Variants in STXBP5L observed in about 807,000 individuals in gnomAD.
The protein encoded by STXBP5L is syntaxin-binding protein 5-like.
In STXBP5L, 65 loss-of-function variants were observed where a neutral mutation model predicts 144.5. That is an observed-to-expected ratio of 0.45 (90% confidence interval 0.37 to 0.55). The LOEUF is 0.55. Ranked by LOEUF, STXBP5L falls within the 20% of genes least tolerant of loss-of-function variation. The pLI, the probability that STXBP5L is intolerant of heterozygous loss-of-function variation, is 0.00. For synonymous variants in STXBP5L, 505 were observed against 469.6 expected (o/e 1.08, Z -0.97); for missense variants, 1,298 against 1,405.5 (o/e 0.92, Z 1.22).
At chr3:121,022,482 C>A (rs1037060053) in intron 3 of STXBP5L, among the ~76,000 whole-genome samples, 3 of 152,054 alleles carry the variant, frequency 2.0e-5, no homozygotes, top group Non-Finnish European at 4.4e-5. Flanking sequence ...ACTAATATCC[C>A]TGATTAACAT....
Position 121,205,917 on chromosome 3 carries a change from C to T in STXBP5L, c.878-6C>T, listed in dbSNP as rs74730846. 0.12 allele frequency: 161,576 copies of T among 1,388,476 alleles called. 6,090 individuals are homozygous for T. The highest frequency in any genetic ancestry group is 0.12 in the Middle Eastern group (596 of 4,784). 86.0% of individuals were successfully genotyped at this position (1,388,476 alleles called of 1,614,324 possible). ...TTAGATTCAATTAAATATTTTTTTT[C>T]TTTAGGAAAAAGTCAAAGAGAAGGA... On this transcript the variant is annotated splice_polypyrimidine_tract_variant and splice_region_variant and intron_variant, in intron 9 of 26. Coordinates refer to ENST00000471454, the MANE Select transcript of STXBP5L (RefSeq NM_001308330.2).
chr3:121,247,501 C>T (rs2049893503), intron 14 of STXBP5L, among the ~76,000 whole-genome samples: 1 of 152,072 alleles, frequency 6.6e-6, no homozygotes, highest in Non-Finnish European at 1.5e-5. Flanking sequence ...ACTGCAGTGT[C>T]TATTGTTTCT....
At chr3:121,012,991 A>G (rs1300511755) in intron 3 of STXBP5L, among the ~76,000 whole-genome samples, 3 of 150,210 alleles carry the variant, frequency 2.0e-5, no homozygotes, top group South Asian at 4.2e-4. Flanking sequence ...AATGGCCTCC[A>G]GCTGCATCCA....
At chr3:121,005,209 A>G (rs561514526) in intron 3 of STXBP5L, among the ~76,000 whole-genome samples, 5 of 152,264 alleles carry the variant, frequency 3.3e-5, no homozygotes, top group South Asian at 4.1e-4. Context: ...TAGGCTATTA[A>G]TTATTGCCTC....
intron 3 of STXBP5L, among the ~76,000 whole-genome samples, chr3:120,959,087 C>G (rs1346051323): frequency 6.6e-6 from 1 of 152,168 alleles, no homozygotes; most frequent in Non-Finnish European, 1.5e-5. Flanking sequence ...GTGCAAAAAT[C>G]ACAAGCATTC....
chr3:120,987,105 A>G (rs1455355924), intron 3 of STXBP5L, among the ~76,000 whole-genome samples: 1 of 152,012 alleles, frequency 6.6e-6, no homozygotes, highest in Non-Finnish European at 1.5e-5. Flanking sequence ...TCCAGGTAAG[A>G]TGGATTCATA....
chr3:121,054,891 TA>T (rs68094067), intron 5 of STXBP5L, among the ~76,000 whole-genome samples: 15,061 of 152,104 alleles, frequency 0.099, 1,173 homozygotes, highest in Admixed American at 0.2. Flanking sequence ...TGTATACTTT[TA>T]TGTGGATGGA....
At chr3:121,380,692 A>G (rs1173638680) in intron 21 of STXBP5L, among the ~76,000 whole-genome samples, 1 of 152,124 alleles carries the variant, frequency 6.6e-6, no homozygotes, top group Non-Finnish European at 1.5e-5. Context: ...AGGCAAAGTT[A>G]GGACTGCATT....
chr3:121,089,913 T>A (rs1186138587), intron 5 of STXBP5L, among the ~76,000 whole-genome samples: 1 of 152,110 alleles, frequency 6.6e-6, no homozygotes, highest in Non-Finnish European at 1.5e-5. Context: ...GTAGTAAAAT[T>A]TGTAATTGGT....
chr3:120,967,526 G>T (rs993328758), intron 3 of STXBP5L, among the ~76,000 whole-genome samples: 1 of 151,976 alleles, frequency 6.6e-6, no homozygotes, highest in Non-Finnish European at 1.5e-5. Context: ...CTAGCTAAAG[G>T]TTTTCAATTT....
intron 20 of STXBP5L, among the ~76,000 whole-genome samples, chr3:121,323,184 GC>G (rs1275095329): frequency 2.0e-5 from 3 of 152,118 alleles, no homozygotes; most frequent in African/African-American, 7.2e-5. Flanking sequence ...CTGTGCAGAA[GC>G]TTTTTAATTA....
intron 20 of STXBP5L, among the ~76,000 whole-genome samples, chr3:121,359,045 G>A (rs1222429911): frequency 6.6e-6 from 1 of 152,032 alleles, no homozygotes; most frequent in Non-Finnish European, 1.5e-5. Flanking sequence ...CAAACTGTTT[G>A]CAGTTTTGCT....
rs148972238 is a variant in STXBP5L, at chr3:121,195,797, A to G, written c.878-10126A>G. ...TCCAATCCCTAATGATGCCATTAGG[A>G]TGGGAGAATGGTGGAACCTGCAGGG... On this transcript the variant is annotated intron_variant, in intron 9 of 26. Coordinates refer to ENST00000471454, the MANE Select transcript of STXBP5L (RefSeq NM_001308330.2). Among the ~76,000 whole-genome samples the G allele has an allele frequency of 5.5e-3, 832 of 152,230 alleles. 3 individuals carry two copies. Among genetic ancestry groups the G allele is most frequent in the South Asian group, 0.023 (110 of 4,826 alleles).
At chr3:121,016,923 C>A (rs772751154) in intron 3 of STXBP5L, among the ~76,000 whole-genome samples, 1 of 152,314 alleles carries the variant, frequency 6.6e-6, no homozygotes, top group South Asian at 2.1e-4. Context: ...TGGAATATTT[C>A]CAGTTCATCC....
intron 19 of STXBP5L, among the ~76,000 whole-genome samples, chr3:121,285,216 C>T (rs1272872893): frequency 1.3e-5 from 2 of 151,904 alleles, no homozygotes; most frequent in African/African-American, 2.4e-5. Flanking sequence ...GTGATTATAA[C>T]CCTTTGAGGC....
At chr3:120,917,278 AG>A (rs1291116463) in intron 2 of STXBP5L, among the ~76,000 whole-genome samples, 1 of 152,218 alleles carries the variant, frequency 6.6e-6, no homozygotes, top group Non-Finnish European at 1.5e-5. Context: ...ATTTTCAGTA[AG>A]GTGATGGATA....
chr3:121,241,086 A>G (rs1282229638), intron 14 of STXBP5L, among the ~76,000 whole-genome samples: 1 of 152,168 alleles, frequency 6.6e-6, no homozygotes, highest in African/African-American at 2.4e-5. Context: ...ATTACATATA[A>G]GACAAACATA....
At chr3:121,098,301 C>A (rs1203283811) in intron 5 of STXBP5L, among the ~76,000 whole-genome samples, 6 of 152,090 alleles carry the variant, frequency 3.9e-5, no homozygotes, top group African/African-American at 1.4e-4. Context: ...AGCTTACAAT[C>A]ATGGTGGAAG....
chr3:121,311,573 G>A lies in STXBP5L; in HGVS notation c.2111-6902G>A, dbSNP rs900091724. Among the ~76,000 whole-genome samples, 6 of 152,114 alleles carry A rather than the reference G, an allele frequency of 3.9e-5. No homozygotes were observed. In the South Asian group the frequency reaches 1.2e-3, roughly 32 times the overall value. On this transcript the variant is annotated intron_variant, in intron 19 of 26. Coordinates refer to ENST00000471454, the MANE Select transcript of STXBP5L (RefSeq NM_001308330.2). ...ACAGACAAACAGAGAGCCAAATCATGAGTGAACTCCCATTCACAATTGCTT... is the reference window on the plus strand; with the variant it reads ...ACAGACAAACAGAGAGCCAAATCATAAGTGAACTCCCATTCACAATTGCTT...
Sources: allele counts gnomAD v4.1 joint callset (sites outside exome capture counted in the v4.1 genomes callset), GRCh38; gene constraint gnomAD v4.1.1; transcripts MANE v1.5; gene names NCBI Gene and HGNC (gene_info 2026-07-23, HGNC 2026-07-21).